The following COLGALT1 variants were observed in gnomAD, a reference collection of about 807,000 sequenced individuals.
The protein encoded by COLGALT1 is procollagen galactosyltransferase 1.
In COLGALT1, 43 loss-of-function variants were observed where a neutral mutation model predicts 60.8. The ratio of observed to expected loss-of-function variants is 0.71; its 90% CI spans 0.55 to 0.91. The LOEUF is 0.91. Ranked by LOEUF, COLGALT1 falls within the 40% of genes least tolerant of loss-of-function variation. The pLI, the probability that COLGALT1 is intolerant of heterozygous loss-of-function variation, is 0.00. For synonymous variants in COLGALT1, 369 were observed against 374.2 expected, an observed-to-expected ratio of 0.99 and a Z score of 0.16; for missense variants, 845 against 880.0, an observed-to-expected ratio of 0.96 and a Z score of 0.50.
chr19:17,581,143 T>C, intron 11 of COLGALT1, 34 bp from the exon 12 acceptor site: 12 of 1,595,642 alleles, frequency 7.5e-6, no homozygotes, highest in Non-Finnish European at 1.0e-5. Flanking sequence ...CCTGAAGCCA[T>C]TGCTGCCCCT....
chr19:17,580,565 A>C, intron 10 of COLGALT1, 134 bp from the exon 11 acceptor site: 1 of 807,472 alleles, frequency 1.2e-6, no homozygotes, highest in Non-Finnish European at 2.0e-6. Context: ...CACTCCATCC[A>C]GTCACAGAGC....
At position 17,560,975 on chromosome 19, in the gene COLGALT1, C is replaced by T. The variant is rs1442109775; in HGVS notation, c.489+510C>T. Among the ~76,000 whole-genome samples the T allele has an allele frequency of 2.6e-5, 4 of 151,926 alleles. No individual in the cohort carries two copies. The South Asian group carries it at 6.2e-4, about 24-fold the overall frequency. On this transcript the variant is annotated intron_variant, in intron 3 of 11. Transcript: ENST00000252599. ...ATCCCAGCACTTTAGGAGGCCAAGGCGGGTGGATCACTTGAGGTCAGGAGG... is the reference window on the plus strand; with the variant it reads ...ATCCCAGCACTTTAGGAGGCCAAGGTGGGTGGATCACTTGAGGTCAGGAGG...
At chr19:17,578,232 G>C (rs1445170233) in intron 9 of COLGALT1, 143 bp downstream of exon 9, 1 of 834,676 alleles carries the variant, frequency 1.2e-6, no homozygotes, top group Non-Finnish European at 1.7e-6. Flanking sequence ...TCTCTTTAGT[G>C]AATGATGCGC....
At chr19:17,562,492 G>T (rs2076254973) in intron 3 of COLGALT1, among the ~76,000 whole-genome samples, 1 of 152,096 alleles carries the variant, frequency 6.6e-6, no homozygotes, top group South Asian at 2.1e-4. Flanking sequence ...GTGAAACCCT[G>T]TTTCTACCAA....
chr19:17,566,951 TA>T (rs1205791702), intron 3 of COLGALT1, among the ~76,000 whole-genome samples: 1 of 151,994 alleles, frequency 6.6e-6, no homozygotes, highest in Non-Finnish European at 1.5e-5. Flanking sequence ...CTGTCTCTAT[TA>T]AAAATACAAA....
At position 17,567,492 on chromosome 19, in the gene COLGALT1, G is replaced by T; in HGVS notation, c.576G>T (p.Leu192=). Residue 192 remains leucine (L), a synonymous_variant, in exon 4 of 12, where the codon CTG becomes CTT. Transcript: ENST00000252599. ...AENKTVVAPM[L]DSRAAYSNFW... ...ACAAGACGGTGGTCGCCCCCATGCTGGATTCCCGGGCTGCGTACTCCAACT... is the reference window on the plus strand; with the variant it reads ...ACAAGACGGTGGTCGCCCCCATGCTTGATTCCCGGGCTGCGTACTCCAACT... The T allele has an allele frequency of 6.2e-7, 1 of 1,613,958 alleles. No individual in the cohort carries two copies. Among genetic ancestry groups the T allele is most frequent in the African/African-American group, 1.3e-5 (1 of 75,016 alleles).
At chr19:17,560,272 C>A in intron 2 of COLGALT1, 76 bp from the exon 3 acceptor site, 2 of 1,166,550 alleles carry the variant, frequency 1.7e-6, no homozygotes, top group Non-Finnish European at 2.5e-6. Context: ...TCTCTGAGTA[C>A]CCCGAAGGCA....
In COLGALT1 at chr19:17,568,759, C is replaced by G. The variant is rs113191022; in HGVS notation, c.829+46C>G. On this transcript the variant is annotated intron_variant, in intron 5 of 11. Coordinates refer to ENST00000252599, the MANE Select transcript of COLGALT1 (RefSeq NM_024656.4). ...CCATCGCAGGGGCATCTGCCTGGTT[C>G]TTTGGGTTTTGCACTAAGCCAGTTC... 8.0e-3 allele frequency: 12,797 copies of G among 1,601,606 alleles called. 640 individuals are homozygous for G. The African/African-American group carries it at 0.13, about 16-fold the overall frequency.
In COLGALT1 at chr19:17,579,479, C is replaced by G; in HGVS notation, c.1267-3C>G. 6.2e-7 allele frequency: 1 copy of G among 1,613,804 alleles called. No individual in the cohort carries two copies. The highest frequency in any genetic ancestry group is 8.5e-7 in the Non-Finnish European group (1 of 1,179,822). ...TGTGATGTGGCGGGGCTTCCTCCCT[C>G]AGGTGGTGGACCGGGGGCTGCAGAA... On this transcript the variant is annotated splice_polypyrimidine_tract_variant and splice_region_variant and intron_variant, in intron 9 of 11. Coordinates refer to ENST00000252599, the MANE Select transcript of COLGALT1 (RefSeq NM_024656.4).
chr19:17,568,477 C>A, intron 4 of COLGALT1, 32 bp from the exon 5 acceptor site: 1 of 1,579,338 alleles, frequency 6.3e-7, no homozygotes, highest in Non-Finnish European at 8.7e-7. Context: ...CTTTCAAGAC[C>A]CCTACGCGGA....
chr19:17,556,238 T>TC (rs1369767527), intron 1 of COLGALT1, among the ~76,000 whole-genome samples: 1 of 152,152 alleles, frequency 6.6e-6, no homozygotes. Flanking sequence ...GGGACCGAGT[T>TC]CCTCCTGCTG....
chr19:17,580,358 T>C, intron 10 of COLGALT1: 1 of 404,986 alleles, frequency 2.5e-6, no homozygotes, highest in East Asian at 5.5e-5. Context: ...CACCCCTCCA[T>C]TCCTGACTGC....
chr19:17,579,565 C>G lies in COLGALT1; in HGVS notation c.1350C>G (p.Asn450Lys), dbSNP rs139965300. 1 of 1,613,740 alleles carries G rather than the reference C, an allele frequency of 6.2e-7. No individual in the cohort carries two copies. Among genetic ancestry groups the G allele is most frequent in the Non-Finnish European group, 8.5e-7 (1 of 1,179,956 alleles). The change falls in exon 10 of 12, where the codon AAC becomes AAG. Residue 450 changes from asparagine (N) to lysine (K), a missense_variant. Coordinates refer to ENST00000252599, the MANE Select transcript of COLGALT1 (RefSeq NM_024656.4). The stretch of plus-strand genomic sequence containing the variant: ...TCTTCTTCAAGAGACGTCTGATGAA[C>G]CTCATGCGGGATGTGGAGCGGGAGG... ...FEIFFKRRLM[N>K]LMRDVEREGL...
chr19:17,582,055 C>G lies in COLGALT1; in HGVS notation c.*611C>G, dbSNP rs138950257. 4 of 153,904 alleles carry G rather than the reference C, an allele frequency of 2.6e-5. No individual in the cohort carries two copies. The highest frequency in any genetic ancestry group is 5.8e-5 in the Non-Finnish European group (4 of 69,264). 9.5% of individuals were successfully genotyped at this position (153,904 alleles called of 1,614,324 possible). On this transcript the variant is annotated 3_prime_UTR_variant, in exon 12 of 12. Transcript: ENST00000252599. Reference sequence around the variant, plus strand: ...TCCCAAGTAGCTGGGACTATAGGTGCGTGCCATCACATCTGGCTAGTTTTT... The same window carrying G: ...TCCCAAGTAGCTGGGACTATAGGTGGGTGCCATCACATCTGGCTAGTTTTT...
In COLGALT1 at chr19:17,577,265, C is replaced by T. The variant is rs200916133; in HGVS notation, c.1020C>T (p.Phe340=). The part of the protein sequence containing the change: ...APTKTPDKMG[F]DEVFMINLRR... ...CCAAGACACCGGACAAGATGGGCTT[C>T]GACGAGGTGAGCTGGGCCTTCCCTG... Residue 340 remains phenylalanine, a synonymous_variant, in exon 7 of 12, where the codon TTC becomes TTT. Coordinates refer to ENST00000252599, the MANE Select transcript of COLGALT1 (RefSeq NM_024656.4). 1,142 of 1,613,012 alleles carry T rather than the reference C, an allele frequency of 7.1e-4. 4 individuals carry two copies. The highest frequency in any genetic ancestry group is 5.9e-4 in the Non-Finnish European group (693 of 1,179,624).
intron 1 of COLGALT1, 124 bp downstream of exon 1, chr19:17,556,097 C>A: frequency 9.1e-7 from 1 of 1,096,844 alleles, no homozygotes; most frequent in Non-Finnish European, 1.2e-6. Flanking sequence ...CGCGTGCTTC[C>A]TGCTCGCTAC....
intron 3 of COLGALT1, 150 bp from the exon 4 acceptor site, chr19:17,567,256 A>C (rs2076284734): frequency 2.3e-5 from 23 of 1,014,864 alleles, no homozygotes; most frequent in Admixed American, 7.6e-5. Flanking sequence ...GCAGGCCCCC[A>C]AAACGGGGTC....
chr19:17,579,178 AAAAAG>A (rs1400033409), intron 9 of COLGALT1, among the ~76,000 whole-genome samples: 1 of 152,186 alleles, frequency 6.6e-6, no homozygotes, highest in Non-Finnish European at 1.5e-5. Context: ...AAAAAAAAAA[AAAAAG>A]AAAAAGAAAA....
chr19:17,575,171 C>CCCAA (rs2076333827), intron 6 of COLGALT1, among the ~76,000 whole-genome samples: 1 of 152,204 alleles, frequency 6.6e-6, no homozygotes, highest in African/African-American at 2.4e-5. Context: ...GCCCCACCTT[C>CCCAA]CCAAGTAGCT....
Sources: gnomAD v4.1 joint callset for allele counts (sites outside exome capture counted in the v4.1 genomes callset) on GRCh38, gnomAD v4.1.1 for gene constraint, MANE v1.5 for transcripts, NCBI Gene and HGNC (gene_info 2026-07-23, HGNC 2026-07-21) for gene names.